TCF12: variants seen among roughly 807,000 people sequenced by gnomAD.
TCF12 encodes the protein transcription factor 12.
In TCF12, 45 loss-of-function variants were observed where a neutral mutation model predicts 86.0. The observed-to-expected ratio is 0.52, with a 90% CI of 0.41 to 0.67. TCF12 has a LOEUF of 0.67. Ranked by LOEUF, TCF12 falls within the 30% of genes least tolerant of loss-of-function variation. TCF12 has a pLI of 0.00. For missense variants in TCF12, 881 were observed against 859.9 expected, an observed-to-expected ratio of 1.02 and a Z score of -0.31; for synonymous variants, 330 against 299.6, an observed-to-expected ratio of 1.10 and a Z score of -1.05.
intron 14 of TCF12, 52 bp from the exon 15 acceptor site, chr15:57,252,369 G>T: frequency 7.2e-7 from 1 of 1,395,224 alleles, no homozygotes; most frequent in Non-Finnish European, 1.0e-6. Context: ...CATCTCTTTT[G>T]GAGTTAATCT....
intron 17 of TCF12, 100 bp from the exon 18 acceptor site, chr15:57,263,012 G>A: frequency 7.9e-7 from 1 of 1,270,562 alleles, no homozygotes; most frequent in South Asian, 1.6e-5. Context: ...CCCTGTAACT[G>A]CTAAGGATAT....
chr15:57,126,131 C>T (rs557936733), intron 5 of TCF12, among the ~76,000 whole-genome samples: 2 of 152,126 alleles, frequency 1.3e-5, no homozygotes, highest in Non-Finnish European at 1.5e-5. Flanking sequence ...GTCCCAGCTA[C>T]TTGGGAGGCT....
At chr15:56,920,122 T>A in intron 2 of TCF12, 134 bp downstream of exon 2, 1 of 942,738 alleles carries the variant, frequency 1.1e-6, no homozygotes, top group Non-Finnish European at 1.6e-6. Context: ...GCTTTCTGCT[T>A]AAGCAGTAGT....
chr15:56,942,649 A>AAC (rs1479469929), intron 3 of TCF12, among the ~76,000 whole-genome samples: 1 of 662 alleles, frequency 1.5e-3, no homozygotes, highest in African/African-American at 2.7e-3. Flanking sequence ...TCGTATGTGT[A>AAC]ACAGAACTAT....
At chr15:57,139,701 A>G (rs1402527548) in intron 5 of TCF12, among the ~76,000 whole-genome samples, 1 of 152,194 alleles carries the variant, frequency 6.6e-6, no homozygotes, top group Non-Finnish European at 1.5e-5. Flanking sequence ...CTGCATTCAT[A>G]GAAAAAGTAT....
At chr15:56,933,976 C>G (rs969848783) in intron 3 of TCF12, among the ~76,000 whole-genome samples, 16 of 151,876 alleles carry the variant, frequency 1.1e-4, no homozygotes, top group Non-Finnish European at 7.4e-5. Flanking sequence ...TGTCAGAATT[C>G]TGATGAATCA....
chr15:57,267,906 C>T (rs1440663619), intron 18 of TCF12, among the ~76,000 whole-genome samples: 1 of 152,190 alleles, frequency 6.6e-6, no homozygotes, highest in Non-Finnish European at 1.5e-5. Context: ...TTACAGGATT[C>T]TTGTAGGAAT....
At chr15:56,989,722 T>G (rs1218470105) in intron 3 of TCF12, among the ~76,000 whole-genome samples, 1 of 152,154 alleles carries the variant, frequency 6.6e-6, no homozygotes, top group African/African-American at 2.4e-5. Context: ...GTATAGTACT[T>G]TTTGTCTCCC....
intron 5 of TCF12, among the ~76,000 whole-genome samples, chr15:57,154,704 C>T (rs780320246): frequency 2.0e-5 from 3 of 151,956 alleles, no homozygotes; most frequent in Non-Finnish European, 4.4e-5. Context: ...AGAAGAGTGA[C>T]GCCGTTAAAT....
At chr15:57,171,743 A>C (rs1410851344) in intron 6 of TCF12, among the ~76,000 whole-genome samples, 3 of 152,216 alleles carry the variant, frequency 2.0e-5, no homozygotes, top group African/African-American at 7.2e-5. Flanking sequence ...TACTGGAAAC[A>C]CTGATAGATC....
At chr15:57,179,751 T>A (rs1354702683) in intron 6 of TCF12, among the ~76,000 whole-genome samples, 1 of 152,182 alleles carries the variant, frequency 6.6e-6, no homozygotes, top group African/African-American at 2.4e-5. Context: ...AGGAAAGGAT[T>A]AGAAGCATCT....
chr15:57,176,485 A>G (rs181622618), intron 6 of TCF12, among the ~76,000 whole-genome samples: 38 of 152,348 alleles, frequency 2.5e-4, no homozygotes, highest in Admixed American at 1.7e-3. Flanking sequence ...AATAACTAGC[A>G]TGTATCAGTC....
At chr15:56,920,983 G>C in intron 2 of TCF12, 43 bp from the exon 3 acceptor site, 1 of 1,491,764 alleles carries the variant, frequency 6.7e-7, no homozygotes, top group Non-Finnish European at 9.1e-7. Context: ...AAGGAATCTA[G>C]AAGAATTTCA....
intron 3 of TCF12, among the ~76,000 whole-genome samples, chr15:56,976,331 C>A (rs1007393318): frequency 1.4e-5 from 2 of 147,314 alleles, no homozygotes; most frequent in Admixed American, 6.9e-5. Context: ...TCCGGGTTCA[C>A]GCCATTCTCC....
At chr15:57,011,616 C>G (rs77759289) in intron 3 of TCF12, among the ~76,000 whole-genome samples, 1,736 of 152,230 alleles carry the variant, frequency 0.011, 29 homozygotes, top group African/African-American at 0.036. Context: ...CCTTCATTAA[C>G]AAAGACCCTT....
At chr15:57,106,448 C>T (rs186460844) in intron 5 of TCF12, among the ~76,000 whole-genome samples, 24 of 152,278 alleles carry the variant, frequency 1.6e-4, no homozygotes, top group Admixed American at 1.2e-3. Context: ...GGCACTTTTG[C>T]GTTTGGCTAG....
At chr15:57,074,381 G>T (rs2069699318) in intron 4 of TCF12, among the ~76,000 whole-genome samples, 1 of 134,936 alleles carries the variant, frequency 7.4e-6, no homozygotes, top group South Asian at 2.5e-4. Flanking sequence ...AAAAAAAAAA[G>T]ATGTTAGGAA....
intron 8 of TCF12, among the ~76,000 whole-genome samples, chr15:57,217,103 C>T (rs867079097): frequency 3.3e-5 from 5 of 151,758 alleles, no homozygotes; most frequent in East Asian, 1.9e-4. Context: ...TACACATGTA[C>T]GAGTTTTATA....
At chr15:57,291,214 G>T (rs1317229499), downstream of TCF12, 1 of 152,114 alleles carries the variant, frequency 6.6e-6, no homozygotes, top group Non-Finnish European at 1.5e-5. Context: ...ATATAAAAGG[G>T]CACGATATTT....
Sources: allele counts gnomAD v4.1 joint callset (sites outside exome capture counted in the v4.1 genomes callset), GRCh38; gene constraint gnomAD v4.1.1; transcripts MANE v1.5; gene names NCBI Gene and HGNC (gene_info 2026-07-23, HGNC 2026-07-21).